The following PDE1A variants were observed in gnomAD, a reference collection of about 807,000 sequenced individuals.
PDE1A encodes dual specificity calcium/calmodulin-dependent 3',5'-cyclic nucleotide phosphodiesterase 1A.
A neutral mutation model predicts 61.7 loss-of-function variants in PDE1A; 35 were observed. The ratio of observed to expected loss-of-function variants is 0.57; its 90% CI spans 0.43 to 0.75. The LOEUF is 0.75. Among genes scored for constraint, PDE1A ranks in the 30% least tolerant of loss-of-function variants. PDE1A has a pLI of 0.00. For missense variants in PDE1A, 597 were observed against 630.6 expected, an observed-to-expected ratio of 0.95 and a Z score of 0.57; for synonymous variants, 232 against 213.2, an observed-to-expected ratio of 1.09 and a Z score of -0.77.
At chr2:182,650,066 G>A in the PDE1A span, among the ~76,000 whole-genome samples, 1 of 152,018 alleles carries the variant, frequency 6.6e-6, no homozygotes, top group South Asian at 2.1e-4. Flanking sequence ...CAGCCTAGGT[G>A]ATAGAGCGAG....
chr2:182,170,616 G>C (rs1294961869), intron 13 of PDE1A, among the ~76,000 whole-genome samples: 1 of 151,958 alleles, frequency 6.6e-6, no homozygotes, highest in African/African-American at 2.4e-5. Flanking sequence ...TGTAATACAT[G>C]TATACACCTG....
At chr2:182,293,075 G>T (rs988628055) in intron 1 of PDE1A, among the ~76,000 whole-genome samples, 1 of 151,950 alleles carries the variant, frequency 6.6e-6, no homozygotes, top group African/African-American at 2.4e-5. Context: ...AGTGTAAGCA[G>T]GTACTCTTTT....
the PDE1A span, among the ~76,000 whole-genome samples, chr2:182,714,907 T>C: frequency 6.6e-6 from 1 of 152,136 alleles, no homozygotes; most frequent in Non-Finnish European, 1.5e-5. Context: ...TCTCCTGTTC[T>C]TTCTCCAGTT....
chr2:182,453,470 C>A (rs1302664716), intron 2 of PDE1A, among the ~76,000 whole-genome samples: 2 of 151,712 alleles, frequency 1.3e-5, no homozygotes, highest in Non-Finnish European at 2.9e-5. Flanking sequence ...ATTACTTTAA[C>A]AGACGAATTT....
At chr2:182,154,618 C>T (rs560439676) in intron 13 of PDE1A, among the ~76,000 whole-genome samples, 1 of 152,232 alleles carries the variant, frequency 6.6e-6, no homozygotes, top group Admixed American at 6.5e-5. Context: ...TGCTTCTTGC[C>T]TCTCTTGCCT....
chr2:182,274,843 A>G (rs1188277208), intron 1 of PDE1A, among the ~76,000 whole-genome samples: 2 of 152,158 alleles, frequency 1.3e-5, no homozygotes, highest in Non-Finnish European at 2.9e-5. Context: ...TCTCAGAATC[A>G]TTGTAAATAA....
intron 1 of PDE1A, among the ~76,000 whole-genome samples, chr2:182,408,181 CAA>C (rs5836834): frequency 1.7e-5 from 2 of 116,066 alleles, no homozygotes; most frequent in Non-Finnish European, 1.8e-5. Flanking sequence ...AAGTATCTGC[CAA>C]AAAAAAAAAA....
chr2:182,689,111 G>C, the PDE1A span, among the ~76,000 whole-genome samples: 3 of 152,074 alleles, frequency 2.0e-5, no homozygotes, highest in Non-Finnish European at 4.4e-5. Flanking sequence ...CAACATTAGA[G>C]AGATCAGCGA....
chr2:182,700,729 A>AAAAAT, the PDE1A span, among the ~76,000 whole-genome samples: 1 of 141,704 alleles, frequency 7.1e-6, no homozygotes, highest in African/African-American at 2.6e-5. Context: ...CTCAAAAAAA[A>AAAAAT]AAAAAAAAAA....
In PDE1A at chr2:182,230,965, C is replaced by A. The variant is rs745652943; in HGVS notation, c.534+50G>T. On this transcript the variant is annotated intron_variant, in intron 5 of 13. Transcript: ENST00000351439. ...CAAATGTTCTGCATTTTCATTCTTA[C>A]TCAAATAACCAATTCTAAGAGCATT... The A allele has an allele frequency of 3.4e-6, 3 of 878,898 alleles. No individual in the cohort carries two copies. In the African/African-American group the frequency reaches 5.1e-5, roughly 15 times the overall value. The allele number at this position is 878,898 out of a possible 1,614,324, so 54.4% of individuals were successfully genotyped here.
the PDE1A span, among the ~76,000 whole-genome samples, chr2:182,639,184 C>T: frequency 2.0e-5 from 3 of 151,486 alleles, no homozygotes; most frequent in African/African-American, 4.9e-5. Flanking sequence ...AATCAGAAGG[C>T]GAAAATACAA....
chr2:182,560,333 G>A, the PDE1A span, among the ~76,000 whole-genome samples: 71 of 150,720 alleles, frequency 4.7e-4, no homozygotes, highest in Admixed American at 1.1e-3. Context: ...TTGTCCTTGC[G>A]ATAGTTTACT....
chr2:182,512,741 A>G (rs1689884899), intron 2 of PDE1A, among the ~76,000 whole-genome samples: 1 of 152,210 alleles, frequency 6.6e-6, no homozygotes, highest in Non-Finnish European at 1.5e-5. Flanking sequence ...CAAAATAGCA[A>G]TTTTAAGAAA....
At chr2:182,518,841 T>C (rs1032301908) in intron 2 of PDE1A, among the ~76,000 whole-genome samples, 2 of 152,170 alleles carry the variant, frequency 1.3e-5, no homozygotes, top group Non-Finnish European at 2.9e-5. Flanking sequence ...AAATGCTCAT[T>C]TTCAGTTTTC....
chr2:182,323,106 T>A (rs1472523357), intron 1 of PDE1A, among the ~76,000 whole-genome samples: 1 of 152,176 alleles, frequency 6.6e-6, no homozygotes, highest in Non-Finnish European at 1.5e-5. Flanking sequence ...ATTTTAACCT[T>A]ATGAGCTTGA....
the PDE1A span, among the ~76,000 whole-genome samples, chr2:182,570,374 C>A: frequency 2.0e-5 from 3 of 151,960 alleles, no homozygotes; most frequent in Admixed American, 6.6e-5. Context: ...TCCTGGTAAC[C>A]AAAGTGAAAG....
At chr2:182,487,087 T>C (rs576904294) in intron 2 of PDE1A, among the ~76,000 whole-genome samples, 3 of 152,142 alleles carry the variant, frequency 2.0e-5, no homozygotes, top group Non-Finnish European at 4.4e-5. Flanking sequence ...ATTTAATTCA[T>C]CTTAAAAATT....
At chr2:182,522,520 C>T in intron 1 of PDE1A, 1 of 1,461,550 alleles carries the variant, frequency 6.8e-7, no homozygotes, top group Non-Finnish European at 9.0e-7. Flanking sequence ...TGAGGGAAGA[C>T]TCTGACAGAT....
At chr2:182,405,696 T>A (rs977905899) in intron 1 of PDE1A, among the ~76,000 whole-genome samples, 4 of 152,130 alleles carry the variant, frequency 2.6e-5, no homozygotes, top group Non-Finnish European at 4.4e-5. Flanking sequence ...ATACATTTTT[T>A]AAGACCTTCT....
Sources: allele counts gnomAD v4.1 joint callset (sites outside exome capture counted in the v4.1 genomes callset), GRCh38; gene constraint gnomAD v4.1.1; transcripts MANE v1.5; gene names NCBI Gene and HGNC (gene_info 2026-07-23, HGNC 2026-07-21).